The following MYO1B variants were observed in gnomAD, a reference collection of about 807,000 sequenced individuals.
MYO1B encodes unconventional myosin-Ib.
In MYO1B, 72 loss-of-function variants were observed where a neutral mutation model predicts 159.7. The ratio of observed to expected loss-of-function variants is 0.45; its 90% CI spans 0.37 to 0.55. MYO1B has a LOEUF of 0.55. Among genes scored for constraint, MYO1B ranks in the 20% least tolerant of loss-of-function variants. MYO1B has a pLI of 0.00. For synonymous variants in MYO1B, 468 were observed against 473.8 expected (o/e 0.99, Z 0.16); for missense variants, 1,062 against 1,364.8 (o/e 0.78, Z 3.50).
chr2:191,362,269 T>C lies in MYO1B; in HGVS notation c.663T>C (p.Asn221=), dbSNP rs563892215. 1 of 1,612,892 alleles carries C rather than the reference T, an allele frequency of 6.2e-7. No individual in the cohort carries two copies. Among genetic ancestry groups the C allele is most frequent in the African/African-American group, 1.3e-5 (1 of 75,020 alleles). Residue 221 remains asparagine, a splice_region_variant and synonymous_variant, in exon 9 of 31, where the codon AAT becomes AAC. Coordinates refer to ENST00000392318, the MANE Select transcript of MYO1B (RefSeq NM_001130158.3). ...LLSGASEELL[N]KLKLERDFSR... is the part of the protein sequence containing the mutation. ...CAACTTGTGTCTTTGATTCAATAGA[T>C]AAACTTAAGCTTGAGAGGGATTTCA...
intron 1 of MYO1B, among the ~76,000 whole-genome samples, chr2:191,259,494 A>T (rs1188069129): frequency 6.6e-6 from 1 of 152,216 alleles, no homozygotes; most frequent in Non-Finnish European, 1.5e-5. Flanking sequence ...GCTACATAGT[A>T]TTTGAAATAA....
chr2:191,330,018 C>T lies in MYO1B; in HGVS notation c.335C>T (p.Ala112Val). The change falls in exon 4 of 31, where the codon GCA (alanine) becomes GTA (valine). Residue 112 changes from alanine to valine, a missense_variant. Transcript: ENST00000392318. ...ATTCTCATTACTGGGGAAAGTGGAG[C>T]AGGAAAAACAGGTAAGGCTCCTACC... ...QCILITGESG[A>V]GKTEASKLVM... The T allele has an allele frequency of 1.2e-6, 2 of 1,610,822 alleles. No homozygotes were observed. Among genetic ancestry groups the T allele is most frequent in the African/African-American group, 1.3e-5 (1 of 74,770 alleles).
At chr2:191,347,004 G>A (rs1487732343) in intron 6 of MYO1B, among the ~76,000 whole-genome samples, 2 of 152,106 alleles carry the variant, frequency 1.3e-5, no homozygotes, top group East Asian at 3.9e-4. Flanking sequence ...TGAGTCTGAT[G>A]GTGGTGTTTT....
rs1209689273 is a variant in MYO1B at position 191,383,448 on chromosome 2, T to TTA, written c.1353+131_1353+132dup. On this transcript the variant is annotated intron_variant, in intron 15 of 30. Coordinates refer to ENST00000392318, the MANE Select transcript of MYO1B (RefSeq NM_001130158.3). ...TAAGCATTAGTATTTTCACTGTTTT[T>TTA]TATATATATATATATATATATATAT... 283 of 127,366 alleles carry TTA rather than the reference T, an allele frequency of 2.2e-3. 7 individuals carry two copies. Among genetic ancestry groups the TTA allele is most frequent in the African/African-American group, 9.2e-3 (228 of 24,848 alleles). 7.9% of individuals were successfully genotyped at this position (127,366 alleles called of 1,614,324 possible). A position where few individuals can be genotyped will look rare whatever the true frequency, so the allele number is the denominator to read the frequency against.
intron 1 of MYO1B, among the ~76,000 whole-genome samples, chr2:191,268,708 T>C (rs1037979751): frequency 3.9e-5 from 6 of 152,338 alleles, no homozygotes; most frequent in African/African-American, 1.4e-4. Flanking sequence ...TGGAGGAGTC[T>C]GGGAAGGTTC....
chr2:191,288,093 T>C (rs1296430172), intron 2 of MYO1B, among the ~76,000 whole-genome samples: 1 of 152,142 alleles, frequency 6.6e-6, no homozygotes, highest in Non-Finnish European at 1.5e-5. Context: ...ACATTTTATT[T>C]ATCTATTCAT....
At chr2:191,417,958 A>T (rs1697678569) in intron 30 of MYO1B, among the ~76,000 whole-genome samples, 1 of 152,216 alleles carries the variant, frequency 6.6e-6, no homozygotes, top group Admixed American at 6.5e-5. Context: ...CTGCCCTGTC[A>T]CAGAGGGCGT....
intron 11 of MYO1B, among the ~76,000 whole-genome samples, chr2:191,366,142 A>G (rs1372651877): frequency 6.6e-6 from 1 of 152,216 alleles, no homozygotes; most frequent in African/African-American, 2.4e-5. Flanking sequence ...AAGCCATGAA[A>G]AAGCCTGTGT....
At chr2:191,309,154 C>A (rs1245663361) in intron 3 of MYO1B, among the ~76,000 whole-genome samples, 1 of 152,238 alleles carries the variant, frequency 6.6e-6, no homozygotes, top group Non-Finnish European at 1.5e-5. Context: ...GGGCATCTCA[C>A]ACCTTAGCAC....
rs1695656847 is a variant in MYO1B at position 191,390,159 on chromosome 2, A to G, written c.1782-133A>G. The G allele has an allele frequency of 1.0e-5, 8 of 770,050 alleles. No individual in the cohort carries two copies. In the South Asian group the frequency reaches 2.2e-4, roughly 22 times the overall value. The allele number at this position is 770,050 out of a possible 1,614,324, so 47.7% of individuals were successfully genotyped here. ...TAAAATGATTTGAAATAATTTCAAA[A>G]GTAATGACTAGGTTTCTTAAGAATA... On this transcript the variant is annotated intron_variant, in intron 17 of 30. Transcript: ENST00000392318.
At chr2:191,268,763 C>T (rs1369168973) in intron 1 of MYO1B, among the ~76,000 whole-genome samples, 9 of 152,204 alleles carry the variant, frequency 5.9e-5, no homozygotes, top group Non-Finnish European at 2.9e-5. Flanking sequence ...GCTCCATGCT[C>T]TGCTGCCCAC....
intron 24 of MYO1B, among the ~76,000 whole-genome samples, chr2:191,404,815 G>C (rs956145276): frequency 1.3e-5 from 2 of 152,200 alleles, no homozygotes; most frequent in Admixed American, 1.3e-4. Flanking sequence ...CATCATCTGA[G>C]CCTTCAGCAA....
intron 30 of MYO1B, among the ~76,000 whole-genome samples, chr2:191,417,409 C>T (rs1485456039): frequency 1.3e-5 from 2 of 152,078 alleles, no homozygotes; most frequent in African/African-American, 4.8e-5. Flanking sequence ...GGATTTAACA[C>T]GTTAGGGCCT....
chr2:191,296,313 C>A, intron 3 of MYO1B, 87 bp downstream of exon 3: 2 of 568,122 alleles, frequency 3.5e-6, no homozygotes, highest in Non-Finnish European at 5.3e-6. Flanking sequence ...CTTTGAATTT[C>A]AGAATAATGT....
rs2126166767 is a variant in MYO1B at position 191,411,101 on chromosome 2, G to A, written c.2802G>A (p.Gln934=). 6.2e-7 allele frequency: 1 copy of A among 1,612,222 alleles called. No homozygotes were observed. Among genetic ancestry groups the A allele is most frequent in the Middle Eastern group, 1.7e-4 (1 of 6,052 alleles). ...ACAGGGACCAATTCACAGACCAGCA[G>A]AAACTTATTTATGAAGAGAAACTAG... ...KKYRDQFTDQ[Q]KLIYEEKLEA... The change falls in exon 27 of 31, where the codon CAG becomes CAA. Residue 934 remains glutamine (Q), a synonymous_variant. Coordinates refer to ENST00000392318, the MANE Select transcript of MYO1B (RefSeq NM_001130158.3).
At chr2:191,417,820 G>T (rs1312869440) in intron 30 of MYO1B, among the ~76,000 whole-genome samples, 1 of 152,180 alleles carries the variant, frequency 6.6e-6, no homozygotes. Context: ...GGAGCTTTGC[G>T]GGGATAGCGT....
intron 27 of MYO1B, among the ~76,000 whole-genome samples, 192 bp downstream of exon 27, chr2:191,411,364 T>C: frequency 6.6e-6 from 1 of 152,212 alleles, no homozygotes; most frequent in East Asian, 1.9e-4. Context: ...TTTAATGAAA[T>C]GAGGTTACGA....
At position 191,396,453 on chromosome 2, in the gene MYO1B, A is replaced by C. The variant is rs750662699; in HGVS notation, c.2251A>C (p.Lys751Gln). ...YAQQKRYQQT[K>Q]SSALVIQSYI... Reference sequence around the variant, plus strand: ...GCAACAAAAGAGGTACCAGCAGACAAAGAGTTCCGCCTTAGTAATTCAGTC... The same window carrying C: ...GCAACAAAAGAGGTACCAGCAGACACAGAGTTCCGCCTTAGTAATTCAGTC... The change falls in exon 21 of 31, where the codon AAG becomes CAG. Residue 751 changes from lysine (K) to glutamine (Q), a missense_variant. Lys to Gln is a moderately conservative substitution (Grantham distance 53). This residue lies in a region of MYO1B where 609 missense variants were observed against 744.4 expected (regional missense o/e 0.82). Transcript: ENST00000392318. The C allele has an allele frequency of 1.6e-4, 261 of 1,614,080 alleles. No homozygotes were observed. Among genetic ancestry groups the C allele is most frequent in the Non-Finnish European group, 2.1e-4 (246 of 1,180,034 alleles).
intron 23 of MYO1B, 44 bp from the exon 24 acceptor site, chr2:191,402,588 C>A: frequency 6.6e-7 from 1 of 1,524,984 alleles, no homozygotes; most frequent in Non-Finnish European, 9.1e-7. Flanking sequence ...TTTGTGCTGT[C>A]TGCATTGGGC....
Sources: allele counts gnomAD v4.1 joint callset (sites outside exome capture counted in the v4.1 genomes callset), GRCh38; gene constraint gnomAD v4.1.1; regional missense constraint gnomAD v4.1.1; transcripts MANE v1.5; gene names NCBI Gene and HGNC (gene_info 2026-07-23, HGNC 2026-07-21).